PTPRT: variants seen among roughly 807,000 people sequenced by gnomAD.
The protein encoded by PTPRT is receptor-type tyrosine-protein phosphatase T.
A neutral mutation model predicts 176.8 loss-of-function variants in PTPRT; 56 were observed. The ratio of observed to expected loss-of-function variants is 0.32; its 90% confidence interval spans 0.26 to 0.40. The LOEUF (loss-of-function observed/expected upper bound fraction) is 0.40, where lower values mean the gene tolerates loss of function less well. PTPRT is among the 10% of genes least tolerant of loss of function. The pLI, the probability that PTPRT is intolerant of heterozygous loss-of-function variation, is 1.00. For synonymous variants in PTPRT, 783 were observed against 739.0 expected, an observed-to-expected ratio of 1.06 and a Z score of -0.96; for missense variants, 1,540 against 1,908.2, an observed-to-expected ratio of 0.81 and a Z score of 3.60.
At chr20:42,375,855 C>T (rs536383985) in intron 9 of PTPRT, among the ~76,000 whole-genome samples, 5 of 151,914 alleles carry the variant, frequency 3.3e-5, no homozygotes, top group African/African-American at 4.8e-5. Flanking sequence ...CAGGACAGTC[C>T]CATTAAAGCA....
At chr20:43,042,542 T>TC (rs3092214) in intron 1 of PTPRT, among the ~76,000 whole-genome samples, 39,512 of 151,458 alleles carry the variant, frequency 0.26, 6,150 homozygotes, top group African/African-American at 0.42. Context: ...TCAGGAAGAG[T>TC]CCCCCCTTGG....
rs1987983638 is a variant in PTPRT, at chr20:42,128,790, G to T, written c.2811C>A (p.Asp937Glu). Residue 937 changes from aspartate (D) to glutamate (E), a missense_variant, in exon 19 of 31, where the codon GAC (aspartate) becomes GAA (glutamate). By Grantham distance (45) the Asp-to-Glu change is conservative (BLOSUM62 2). This residue lies in a region of PTPRT where 248 missense variants were observed against 356.7 expected (regional missense o/e 0.70). Transcript: ENST00000373187. ...TGGCATTGATGTAGTCAGAGTGCGG[G>T]TCTCCATCCAGCACCAGCAGCCTCA... ...SRVRLLVLDG[D>E]PHSDYINANY... The T allele has an allele frequency of 1.2e-6, 2 of 1,606,540 alleles. No individual in the cohort carries two copies. Among genetic ancestry groups the T allele is most frequent in the African/African-American group, 1.3e-5 (1 of 74,562 alleles).
intron 7 of PTPRT, among the ~76,000 whole-genome samples, chr20:42,662,055 T>C (rs1337132820): frequency 6.6e-6 from 1 of 152,142 alleles, no homozygotes; most frequent in African/African-American, 2.4e-5. Flanking sequence ...CTCATGGCAA[T>C]GAGGATTTTT....
chr20:42,521,983 C>T (rs1420981900), intron 7 of PTPRT, among the ~76,000 whole-genome samples: 1 of 151,924 alleles, frequency 6.6e-6, no homozygotes, highest in Non-Finnish European at 1.5e-5. Flanking sequence ...GTAGGTATGA[C>T]CGCCCTTTCA....
Position 43,021,810 on chromosome 20 carries a change from G to GAAA in PTPRT, c.89-135881_89-135879dup, listed in dbSNP as rs3092422. ...TTTTCTCACATAATGGGAGATACAG[G>GAAA]AAAAAAAAAAAAAAGGCTACAGGCA... is the stretch of plus-strand genomic sequence containing the variant. On this transcript the variant is annotated intron_variant, in intron 1 of 30. Transcript: ENST00000373187. Among the ~76,000 whole-genome samples, 757 of 142,778 alleles carry GAAA rather than the reference G, an allele frequency of 5.3e-3. 8 individuals are homozygous for GAAA. The highest frequency in any genetic ancestry group is 8.3e-3 in the African/African-American group (323 of 38,780). 93.7% of individuals were successfully genotyped at this position (142,778 alleles called of 152,430 possible).
intron 2 of PTPRT, among the ~76,000 whole-genome samples, chr20:42,820,584 G>A (rs1423318277): frequency 1.3e-5 from 2 of 148,382 alleles, no homozygotes; most frequent in East Asian, 4.0e-4. Context: ...AGAATTGAAG[G>A]AGATAGAGAC....
In PTPRT at chr20:42,455,138, A is replaced by G. The variant is rs371988023; in HGVS notation, c.1451-6809T>C. Among the ~76,000 whole-genome samples, 94 of 152,366 alleles carry G rather than the reference A, an allele frequency of 6.2e-4. No homozygotes were observed. In the South Asian group the frequency reaches 0.017, roughly 27 times the overall value. On this transcript the variant is annotated intron_variant, in intron 8 of 30. Transcript: ENST00000373187. ...GACTCATGATATCATAAAATACAAT[A>G]AAAATGAATTAATAGGGAAGTATAA...
intron 16 of PTPRT, among the ~76,000 whole-genome samples, chr20:42,183,479 G>T (rs971663297): frequency 3.9e-5 from 6 of 152,178 alleles, no homozygotes; most frequent in Admixed American, 3.9e-4. Flanking sequence ...GAGAGCAAAA[G>T]CTATAGATTT....
At chr20:42,927,515 T>A (rs1600565087) in intron 1 of PTPRT, among the ~76,000 whole-genome samples, 1 of 151,780 alleles carries the variant, frequency 6.6e-6, no homozygotes, top group Non-Finnish European at 1.5e-5. Context: ...TGAGCCAGGA[T>A]CGCATCACTG....
intron 2 of PTPRT, among the ~76,000 whole-genome samples, chr20:42,881,308 T>C (rs1271260148): frequency 6.6e-6 from 1 of 152,188 alleles, no homozygotes; most frequent in African/African-American, 2.4e-5. Flanking sequence ...CAAACATGTC[T>C]ATGATAACGA....
Position 42,161,607 on chromosome 20 carries a change from C to T in PTPRT, c.2492-65G>A, listed in dbSNP as rs1989603516. 11 of 1,511,934 alleles carry T rather than the reference C, an allele frequency of 7.3e-6. No individual in the cohort carries two copies. The South Asian group carries it at 1.3e-4, about 18-fold the overall frequency. 93.7% of individuals were successfully genotyped at this position (1,511,934 alleles called of 1,614,324 possible). A position where few individuals can be genotyped will look rare whatever the true frequency, so the allele number is the denominator to read the frequency against. ...AAGCTTTGCCCTTTGTCCTCCCTGT[C>T]TCCCCCAGCTTGGCCTGAGGAGGGC... On this transcript the variant is annotated intron_variant, in intron 16 of 30. Transcript: ENST00000373187.
At chr20:42,127,804 C>T (rs1427223794) in intron 19 of PTPRT, among the ~76,000 whole-genome samples, 1 of 152,178 alleles carries the variant, frequency 6.6e-6, no homozygotes, top group African/African-American at 2.4e-5. Context: ...GAGTTTAGTC[C>T]CTTCCTCAGT....
At chr20:42,495,466 A>T (rs186260028) in intron 7 of PTPRT, among the ~76,000 whole-genome samples, 1 of 152,178 alleles carries the variant, frequency 6.6e-6, no homozygotes, top group South Asian at 2.1e-4. Flanking sequence ...ATGTCCATGC[A>T]CCTGGCATCC....
intron 1 of PTPRT, among the ~76,000 whole-genome samples, chr20:43,161,024 G>A (rs2014680464): frequency 6.6e-6 from 1 of 152,092 alleles, no homozygotes; most frequent in South Asian, 2.1e-4. Context: ...GAAGTGCTGG[G>A]ATTACAGCCA....
At chr20:42,462,970 T>A in intron 8 of PTPRT, among the ~76,000 whole-genome samples, 1 of 152,124 alleles carries the variant, frequency 6.6e-6, no homozygotes, top group East Asian at 1.9e-4. Context: ...CTCTTCTATT[T>A]CCAAGGCATT....
At chr20:42,805,094 A>G (rs1404455152) in intron 2 of PTPRT, among the ~76,000 whole-genome samples, 1 of 152,184 alleles carries the variant, frequency 6.6e-6, no homozygotes, top group African/African-American at 2.4e-5. Context: ...TGTAGAGATG[A>G]CGGAATATCA....
At chr20:42,723,574 C>T (rs1166501325) in intron 6 of PTPRT, among the ~76,000 whole-genome samples, 1 of 152,170 alleles carries the variant, frequency 6.6e-6, no homozygotes, top group East Asian at 1.9e-4. Flanking sequence ...ACTTGTAGCT[C>T]CCCTTCCCAG....
intron 7 of PTPRT, among the ~76,000 whole-genome samples, chr20:42,517,083 T>G (rs1447083916): frequency 1.3e-5 from 2 of 152,112 alleles, no homozygotes; most frequent in African/African-American, 4.8e-5. Flanking sequence ...TCATTTCTTT[T>G]TTGTAAGATT....
At chr20:42,636,275 G>A (rs1193714292) in intron 7 of PTPRT, among the ~76,000 whole-genome samples, 1 of 152,076 alleles carries the variant, frequency 6.6e-6, no homozygotes, top group Admixed American at 6.6e-5. Flanking sequence ...TTAGTATCAT[G>A]GAACAATTCA....
Sources: allele counts gnomAD v4.1 joint callset (sites outside exome capture counted in the v4.1 genomes callset), GRCh38; gene constraint gnomAD v4.1.1; regional missense constraint gnomAD v4.1.1; transcripts MANE v1.5; gene names NCBI Gene and HGNC (gene_info 2026-07-23, HGNC 2026-07-21).